GPBP1: variants seen among roughly 807,000 people sequenced by gnomAD.
The protein encoded by GPBP1 is GC-rich promoter binding protein 1, also known as vasculin.
GPBP1 carries 13 observed loss-of-function variants against 56.5 expected under a neutral mutation model. That is an observed-to-expected ratio of 0.23 (90% CI 0.15 to 0.37). The LOEUF (loss-of-function observed/expected upper bound fraction) is 0.37. Among genes scored for constraint, GPBP1 ranks in the 10% least tolerant of loss-of-function variants. The probability of loss-of-function intolerance (pLI) is 1.00; values close to 1 mark genes in which losing one functional copy is unlikely to be tolerated. For missense variants in GPBP1, 477 were observed against 572.3 expected (o/e 0.83, Z 1.70); for synonymous variants, 204 against 188.9 (o/e 1.08, Z -0.66).
chr5:57,207,200 G>C (rs1755268669), intron 2 of GPBP1, among the ~76,000 whole-genome samples: 1 of 152,206 alleles, frequency 6.6e-6, no homozygotes, highest in South Asian at 2.1e-4. Context: ...TTTTGAAATA[G>C]GGAAGTGTGA....
intron 2 of GPBP1, among the ~76,000 whole-genome samples, chr5:57,203,554 A>C (rs1351435850): frequency 1.3e-5 from 2 of 152,196 alleles, no homozygotes; most frequent in African/African-American, 4.8e-5. Context: ...CTGAGACAGG[A>C]GAACTGCTTG....
intron 3 of GPBP1, among the ~76,000 whole-genome samples, chr5:57,222,813 T>C (rs1756009833): frequency 6.6e-6 from 1 of 152,184 alleles, no homozygotes; most frequent in East Asian, 1.9e-4. Flanking sequence ...ATTACAGTTT[T>C]ATGGGGAGGG....
At chr5:57,231,046 C>T in intron 4 of GPBP1, 52 bp from the exon 5 acceptor site, 1 of 1,585,302 alleles carries the variant, frequency 6.3e-7, no homozygotes, top group East Asian at 2.2e-5. Flanking sequence ...GTGATTCAAT[C>T]TTTAAGCTTC....
At position 57,199,257 on chromosome 5, in the gene GPBP1, C is replaced by T. The variant is rs143106002; in HGVS notation, c.-57-14817C>T. Among the ~76,000 whole-genome samples, 366 of 152,188 alleles carry T rather than the reference C, an allele frequency of 2.4e-3. 2 individuals are homozygous for T. The highest frequency in any genetic ancestry group is 8.3e-3 in the African/African-American group (344 of 41,550). ...TAGATATAACAAAAGTTAGCTGTGT[C>T]ATAGTGGTTATTTAGTTTCTGACTA... On this transcript the variant is annotated intron_variant, in intron 2 of 11. Transcript: ENST00000506184.
chr5:57,243,254 A>G (rs1740918798), intron 6 of GPBP1, among the ~76,000 whole-genome samples: 1 of 151,740 alleles, frequency 6.6e-6, no homozygotes, highest in Non-Finnish European at 1.5e-5. Flanking sequence ...TTTAGTAGAG[A>G]TGGGGTTTCA....
At chr5:57,198,580 C>T (rs751930405) in intron 2 of GPBP1, among the ~76,000 whole-genome samples, 3 of 152,086 alleles carry the variant, frequency 2.0e-5, no homozygotes, top group South Asian at 2.1e-4. Context: ...AGGCCGGGCG[C>T]AGTCACACCT....
At chr5:57,261,415 A>AT in intron 11 of GPBP1, 133 bp downstream of exon 11, 2 of 583,012 alleles carry the variant, frequency 3.4e-6, no homozygotes, top group Admixed American at 3.1e-5. Context: ...TAAAAAAAAA[A>AT]AGAGGGAGGA....
rs7168 is a variant in GPBP1, at chr5:57,263,411, T to A, written c.*659T>A. 1.3e-5 allele frequency: 2 copies of A among 151,944 alleles called. No homozygotes were observed. The highest frequency in any genetic ancestry group is 4.8e-5 in the African/African-American group (2 of 41,384). The allele number at this position is 151,944 out of a possible 1,614,324, so 9.4% of individuals were successfully genotyped here. A position where few individuals can be genotyped will look rare whatever the true frequency, so the allele number is the denominator to read the frequency against. On this transcript the variant is annotated 3_prime_UTR_variant, in exon 12 of 12. Coordinates refer to ENST00000506184, the MANE Select transcript of GPBP1 (RefSeq NM_022913.4). ...ACTTGGCACATTTTCTTCCAAATTT[T>A]AAGAGGTGATTTTCAAAAGCTTTAT... is the stretch of plus-strand genomic sequence containing the variant.
chr5:57,244,197 A>G (rs554377402), intron 6 of GPBP1, among the ~76,000 whole-genome samples: 3 of 152,218 alleles, frequency 2.0e-5, no homozygotes, highest in East Asian at 3.9e-4. Context: ...TTGAGGCTCT[A>G]TGTGGTAGAT....
intron 5 of GPBP1, among the ~76,000 whole-genome samples, chr5:57,235,047 C>G (rs1359015637): frequency 6.6e-6 from 1 of 152,118 alleles, no homozygotes; most frequent in Non-Finnish European, 1.5e-5. Context: ...TGGCTCACTC[C>G]TGTAATCCCA....
rs763460247 is a variant in GPBP1 at position 57,247,227 on chromosome 5, A to G, written c.804+12A>G. The G allele has an allele frequency of 1.0e-5, 16 of 1,600,300 alleles. No homozygotes were observed. The African/African-American group carries it at 1.9e-4, about 19-fold the overall frequency. ...ATTCAGTGAAAGAGGTATGACATTA[A>G]AAATCACACTTGAGGAATGTAACAT... On this transcript the variant is annotated intron_variant, in intron 8 of 11. Coordinates refer to ENST00000506184, the MANE Select transcript of GPBP1 (RefSeq NM_022913.4).
chr5:57,196,029 G>A (rs987025575), intron 2 of GPBP1, among the ~76,000 whole-genome samples: 4 of 146,028 alleles, frequency 2.7e-5, no homozygotes, highest in African/African-American at 7.7e-5. Context: ...GTTTGCAAGG[G>A]TTGAGATATG....
chr5:57,208,583 G>A (rs993089876), intron 2 of GPBP1, among the ~76,000 whole-genome samples: 1 of 151,848 alleles, frequency 6.6e-6, no homozygotes, highest in Non-Finnish European at 1.5e-5. Flanking sequence ...GATCATGTTT[G>A]GGTAGTGTTG....
chr5:57,252,942 C>T (rs1411433397), intron 10 of GPBP1, among the ~76,000 whole-genome samples: 4 of 151,644 alleles, frequency 2.6e-5, no homozygotes, highest in Non-Finnish European at 5.9e-5. Context: ...TTCCTGACCT[C>T]AAGTGATCCA....
At position 57,187,384 on chromosome 5, in the gene GPBP1, A is replaced by G. The variant is rs150342774; in HGVS notation, c.-58+10984A>G. On this transcript the variant is annotated intron_variant, in intron 2 of 11. Transcript: ENST00000506184. ...TTATTTACTATGATATATTATCTCA[A>G]CAGTGGATTTGGGACTCTTCTCTCT... Among the ~76,000 whole-genome samples the G allele has an allele frequency of 9.1e-3, 1,385 of 152,294 alleles. 10 individuals are homozygous for G. The highest frequency in any genetic ancestry group is 0.017 in the South Asian group (80 of 4,832).
At chr5:57,204,820 T>G (rs1186476618) in intron 2 of GPBP1, among the ~76,000 whole-genome samples, 2 of 152,178 alleles carry the variant, frequency 1.3e-5, no homozygotes, top group African/African-American at 4.8e-5. Flanking sequence ...ATTAATTTTT[T>G]GGGGGAATGA....
intron 2 of GPBP1, among the ~76,000 whole-genome samples, chr5:57,190,250 T>C (rs1010563655): frequency 3.3e-5 from 5 of 152,024 alleles, no homozygotes; most frequent in African/African-American, 9.6e-5. Context: ...GAATTTGTTA[T>C]TGGATTATAG....
intron 6 of GPBP1, chr5:57,246,061 G>A (rs1287909507): frequency 2.0e-4 from 71 of 354,492 alleles, no homozygotes; most frequent in Non-Finnish European, 1.0e-5. Flanking sequence ...CTGTGTAGCA[G>A]AATTTATCTG....
At chr5:57,206,182 G>A (rs542039789) in intron 2 of GPBP1, among the ~76,000 whole-genome samples, 3 of 151,986 alleles carry the variant, frequency 2.0e-5, no homozygotes, top group African/African-American at 4.8e-5. Flanking sequence ...TCTGTCAGTT[G>A]TCTTTTTACT....
Sources: gnomAD v4.1 joint callset for allele counts (sites outside exome capture counted in the v4.1 genomes callset) on GRCh38, gnomAD v4.1.1 for gene constraint, MANE v1.5 for transcripts, NCBI Gene and HGNC (gene_info 2026-07-23, HGNC 2026-07-21) for gene names.